Variants in DOCK8 observed in about 807,000 individuals in gnomAD.
DOCK8 encodes the protein dedicator of cytokinesis 8, also known as dedicator of cytokinesis protein 8.
Under a neutral mutation model 245.6 loss-of-function variants are expected in DOCK8, and 141 were observed. That is an observed-to-expected ratio of 0.57 (90% CI 0.50 to 0.66). The LOEUF (loss-of-function observed/expected upper bound fraction) is 0.66. DOCK8 is among the 30% of genes least tolerant of loss of function. The pLI is 0.00. For missense variants in DOCK8, 2,965 were observed against 2,603.4 expected, an observed-to-expected ratio of 1.14 and a Z score of -3.02; for synonymous variants, 1,168 against 970.2, an observed-to-expected ratio of 1.20 and a Z score of -3.79.
chr9:288,278 T>C (rs774989469), intron 3 of DOCK8, among the ~76,000 whole-genome samples: 7 of 152,132 alleles, frequency 4.6e-5, no homozygotes. Context: ...CTGACTCCTG[T>C]TGAACAACCT....
chr9:330,046 G>C (rs1342776653), intron 9 of DOCK8, among the ~76,000 whole-genome samples: 1 of 152,122 alleles, frequency 6.6e-6, no homozygotes, highest in Non-Finnish European at 1.5e-5. Context: ...ACATTATTTG[G>C]TAAGAGGGGC....
chr9:435,018 C>G (rs1169208920), intron 39 of DOCK8, 43 bp downstream of exon 39: 3 of 1,605,124 alleles, frequency 1.9e-6, no homozygotes, highest in East Asian at 2.2e-5. Context: ...TGGTTCTCAA[C>G]TGGGGCGATT....
At chr9:409,982 T>C (rs2055643573) in intron 28 of DOCK8, among the ~76,000 whole-genome samples, 1 of 152,190 alleles carries the variant, frequency 6.6e-6, no homozygotes, top group Non-Finnish European at 1.5e-5. Flanking sequence ...TCTTTGCTAT[T>C]GTGAATAGTG....
chr9:436,429 A>G (rs1274352432), intron 39 of DOCK8, among the ~76,000 whole-genome samples: 1 of 152,238 alleles, frequency 6.6e-6, no homozygotes, highest in Non-Finnish European at 1.5e-5. Flanking sequence ...AAAAATAAAT[A>G]TTATAGTACT....
chr9:235,667 A>G (rs1457755137), intron 1 of DOCK8, among the ~76,000 whole-genome samples: 1 of 152,216 alleles, frequency 6.6e-6, no homozygotes. Flanking sequence ...TGTGCCAGCA[A>G]TGAGCGAGAG....
Position 316,897 on chromosome 9 carries a change from T to A in DOCK8, c.742-146T>A, listed in dbSNP as rs910232093. The A allele has an allele frequency of 1.9e-5, 13 of 695,016 alleles. No individual in the cohort carries two copies. The African/African-American group carries it at 2.1e-4, about 11-fold the overall frequency. 43.1% of individuals were successfully genotyped at this position (695,016 alleles called of 1,614,324 possible). On this transcript the variant is annotated intron_variant, in intron 6 of 47. Coordinates refer to ENST00000432829, the MANE Select transcript of DOCK8 (RefSeq NM_203447.4). ...GAGGTTGGGGGTTGGAAGAGAAACT[T>A]TCTTATAAAAGGCAGAGTGTTAGAA...
intron 46 of DOCK8, chr9:456,197 A>T (rs889523155): frequency 6.6e-6 from 1 of 152,260 alleles, no homozygotes; most frequent in African/African-American, 2.4e-5. Context: ...TATGTAAATC[A>T]TACCCTGAAT....
chr9:332,035 A>G (rs928166843), intron 9 of DOCK8, among the ~76,000 whole-genome samples: 2 of 152,228 alleles, frequency 1.3e-5, no homozygotes, highest in East Asian at 1.9e-4. Flanking sequence ...TGTTTTATAA[A>G]ATAACTTTTA....
intron 1 of DOCK8, among the ~76,000 whole-genome samples, chr9:249,305 A>C (rs566326152): frequency 6.6e-6 from 1 of 152,320 alleles, no homozygotes; most frequent in African/African-American, 2.4e-5. Context: ...AGTGGAGTGA[A>C]GTCACCACCC....
At chr9:409,689 G>C (rs1041249808) in intron 28 of DOCK8, among the ~76,000 whole-genome samples, 1 of 151,708 alleles carries the variant, frequency 6.6e-6, no homozygotes, top group Non-Finnish European at 1.5e-5. Flanking sequence ...CCATTAACTC[G>C]TCATTTACAT....
At chr9:221,838 T>A (rs2046890007) in intron 1 of DOCK8, among the ~76,000 whole-genome samples, 1 of 149,784 alleles carries the variant, frequency 6.7e-6, no homozygotes, top group African/African-American at 2.5e-5. Flanking sequence ...AAAAAAAAAA[T>A]CATGAACAAC....
intron 28 of DOCK8, among the ~76,000 whole-genome samples, chr9:409,968 C>G (rs989789577): frequency 6.6e-6 from 1 of 151,972 alleles, no homozygotes; most frequent in Admixed American, 6.6e-5. Context: ...GGGTTGGTTC[C>G]AAGTCTTTGC....
At chr9:307,714 A>G (rs2049912558) in intron 5 of DOCK8, among the ~76,000 whole-genome samples, 1 of 152,014 alleles carries the variant, frequency 6.6e-6, no homozygotes, top group Non-Finnish European at 1.5e-5. Flanking sequence ...TCACTACTAG[A>G]TATATGTCCA....
At chr9:382,445 C>G (rs1405137324) in intron 21 of DOCK8, 68 bp from the exon 22 acceptor site, 1 of 1,603,886 alleles carries the variant, frequency 6.2e-7, no homozygotes, top group East Asian at 2.2e-5. Flanking sequence ...CTCTTCAATT[C>G]CTTCTTAAAC....
rs2048828959 is a variant in DOCK8, at chr9:286,496, T to A, written c.192T>A (p.Phe64Leu). ...ATGACCCTGTGGAGCCAGTGGACTT[T>A]GAAGGACTTCTGATGACACACCTGA... ...QFYDPVEPVD[F>L]EGLLMTHLNS... is the part of the protein sequence containing the mutation. Residue 64 changes from phenylalanine to leucine, a missense_variant, in exon 3 of 48, where the codon TTT (phenylalanine) becomes TTA (leucine). Phe to Leu is a conservative substitution (Grantham distance 22, BLOSUM62 0). Around this residue, in one of 3 missense-constraint regions of DOCK8, gnomAD observed 2,825 missense variants for 2,453.5 expected, o/e 1.15. Coordinates refer to ENST00000432829, the MANE Select transcript of DOCK8 (RefSeq NM_203447.4). 1 of 1,614,024 alleles carries A rather than the reference T, an allele frequency of 6.2e-7. No homozygotes were observed.
intron 36 of DOCK8, 37 bp downstream of exon 36, chr9:429,891 T>G (rs1564059086): frequency 1.9e-6 from 3 of 1,611,286 alleles, no homozygotes; most frequent in Non-Finnish European, 2.5e-6. Context: ...CTGGAATCAG[T>G]AGAGAAAAAT....
chr9:338,883 C>A, intron 12 of DOCK8, 123 bp from the exon 13 acceptor site: 1 of 786,862 alleles, frequency 1.3e-6, no homozygotes, highest in South Asian at 1.5e-5. Flanking sequence ...TGTCTATAAT[C>A]CTAATTTCTA....
intron 16 of DOCK8, among the ~76,000 whole-genome samples, chr9:370,572 G>A (rs530850347): frequency 4.1e-4 from 62 of 152,304 alleles, no homozygotes; most frequent in Non-Finnish European, 5.1e-4. Flanking sequence ...GTTGTATTAC[G>A]TTAATTAAGG....
chr9:263,488 A>T (rs906414673), intron 1 of DOCK8, among the ~76,000 whole-genome samples: 3 of 152,112 alleles, frequency 2.0e-5, no homozygotes. Flanking sequence ...TATCATTATT[A>T]TATTTATATT....
Sources: allele counts gnomAD v4.1 joint callset (sites outside exome capture counted in the v4.1 genomes callset), GRCh38; gene constraint gnomAD v4.1.1; regional missense constraint gnomAD v4.1.1; transcripts MANE v1.5; gene names NCBI Gene and HGNC (gene_info 2026-07-23, HGNC 2026-07-21).